The following TENM2 variants were observed in gnomAD, a reference collection of about 807,000 sequenced individuals.
TENM2 encodes teneurin transmembrane protein 2.
A neutral mutation model predicts 245.2 loss-of-function variants in TENM2; 52 were observed. The ratio of observed to expected loss-of-function variants is 0.21; its 90% confidence interval spans 0.17 to 0.27. The LOEUF (loss-of-function observed/expected upper bound fraction) is 0.27. Ranked by LOEUF, TENM2 falls within the 10% of genes least tolerant of loss-of-function variation. The pLI, the probability that TENM2 is intolerant of heterozygous loss-of-function variation, is 1.00. For missense variants in TENM2, 3,046 were observed against 3,666.8 expected, an observed-to-expected ratio of 0.83 and a Z score of 4.37; for synonymous variants, 1,363 against 1,438.9, an observed-to-expected ratio of 0.95 and a Z score of 1.19.
intron 2 of TENM2, among the ~76,000 whole-genome samples, chr5:167,401,776 G>C (rs1762377012): frequency 6.6e-6 from 1 of 152,256 alleles, no homozygotes; most frequent in Non-Finnish European, 1.5e-5. Context: ...TTGAGAAATA[G>C]CATAAAACTC....
chr5:167,394,745 G>A (rs903848039), intron 2 of TENM2, among the ~76,000 whole-genome samples: 3 of 151,774 alleles, frequency 2.0e-5, no homozygotes, highest in East Asian at 1.9e-4. Flanking sequence ...TCAGACTCAC[G>A]CCATCATGCC....
chr5:168,030,168 T>TTTTTTTTTTTTTTTTTTTTTTTTTC (rs1562071982), intron 5 of TENM2, among the ~76,000 whole-genome samples: 3 of 84,702 alleles, frequency 3.5e-5, no homozygotes, highest in South Asian at 4.8e-4. Context: ...CTTTTTTTTT[T>TTTTTTTTTTTTTTTTTTTTTTTTTC]TTTTTTTTTT....
At chr5:167,006,529 A>G in the TENM2 span, among the ~76,000 whole-genome samples, 2 of 152,178 alleles carry the variant, frequency 1.3e-5, no homozygotes, top group Admixed American at 6.5e-5. Flanking sequence ...TAGGTGACAT[A>G]TATTCTTCAG....
At chr5:168,138,734 C>A (rs1755278443) in intron 12 of TENM2, among the ~76,000 whole-genome samples, 1 of 152,214 alleles carries the variant, frequency 6.6e-6, no homozygotes, top group African/African-American at 2.4e-5. Context: ...CCACACACAT[C>A]ATCCATGGTA....
intron 2 of TENM2, among the ~76,000 whole-genome samples, chr5:167,852,472 G>T (rs1770673471): frequency 6.6e-6 from 1 of 152,164 alleles, no homozygotes; most frequent in South Asian, 2.1e-4. Context: ...CTGCAAAACG[G>T]TAGCATCTTT....
At chr5:168,112,347 T>A (rs907293212) in intron 9 of TENM2, among the ~76,000 whole-genome samples, 2 of 152,074 alleles carry the variant, frequency 1.3e-5, no homozygotes, top group Non-Finnish European at 2.9e-5. Context: ...CGCCCACTAG[T>A]TATTTTTCCT....
At chr5:167,467,236 T>C (rs2127502434) in intron 2 of TENM2, among the ~76,000 whole-genome samples, 1 of 152,152 alleles carries the variant, frequency 6.6e-6, no homozygotes, top group South Asian at 2.1e-4. Context: ...TCTGATGGTT[T>C]TATAAGTGTT....
chr5:167,882,140 C>T (rs1316454592), intron 3 of TENM2, among the ~76,000 whole-genome samples: 1 of 152,196 alleles, frequency 6.6e-6, no homozygotes, highest in African/African-American at 2.4e-5. Context: ...AGATATACAA[C>T]AGACAGTGAA....
chr5:167,948,526 A>G (rs1448118808), intron 3 of TENM2, among the ~76,000 whole-genome samples: 1 of 152,224 alleles, frequency 6.6e-6, no homozygotes, highest in African/African-American at 2.4e-5. Flanking sequence ...TAAAGAGCCA[A>G]TAAGACAGTT....
At chr5:167,886,373 G>T (rs1774291464) in intron 3 of TENM2, among the ~76,000 whole-genome samples, 1 of 152,142 alleles carries the variant, frequency 6.6e-6, no homozygotes, top group Non-Finnish European at 1.5e-5. Context: ...GCTCTGAATA[G>T]CATTTACATG....
Position 167,309,789 on chromosome 5 carries a change from A to T in TENM2, c.226+24726A>T, listed in dbSNP as rs185910241. 3.9e-5 allele frequency: 6 copies of T among 152,288 alleles called. No individual in the cohort carries two copies. In the East Asian group the frequency reaches 9.7e-4, roughly 25 times the overall value. 9.4% of individuals were successfully genotyped at this position (152,288 alleles called of 1,614,324 possible). A position where few individuals can be genotyped will look rare whatever the true frequency, so the allele number is the denominator to read the frequency against. On this transcript the variant is annotated intron_variant, in intron 1 of 28. Transcript: ENST00000518659. ...CAGGAGAGGCTAAAAGAGTCTTATT[A>T]TGCCAATACCATAGAGAAATGACCT...
chr5:167,233,646 T>C, the TENM2 span, among the ~76,000 whole-genome samples: 1 of 152,198 alleles, frequency 6.6e-6, no homozygotes, highest in Non-Finnish European at 1.5e-5. Flanking sequence ...CTTGTTAACA[T>C]ATAATGTATT....
At chr5:167,948,795 C>A (rs946428728) in intron 3 of TENM2, 15 of 152,074 alleles carry the variant, frequency 9.9e-5, no homozygotes, top group African/African-American at 3.6e-4. Context: ...TAATTAAACC[C>A]AATAAATGTA....
At chr5:167,103,932 G>C in the TENM2 span, among the ~76,000 whole-genome samples, 1 of 151,666 alleles carries the variant, frequency 6.6e-6, no homozygotes, top group Non-Finnish European at 1.5e-5. Context: ...GCTCAGCATC[G>C]TGACACCACA....
At chr5:167,957,417 A>G (rs1780648519) in intron 4 of TENM2, among the ~76,000 whole-genome samples, 1 of 152,128 alleles carries the variant, frequency 6.6e-6, no homozygotes. Context: ...AATCTTCTCA[A>G]AACACAGCTC....
chr5:168,048,320 G>A (rs567257238), intron 6 of TENM2, among the ~76,000 whole-genome samples: 1 of 152,226 alleles, frequency 6.6e-6, no homozygotes, highest in East Asian at 1.9e-4. Context: ...CTTAATTCGG[G>A]ATGGAAATCG....
chr5:167,050,011 G>T, the TENM2 span, among the ~76,000 whole-genome samples: 1 of 152,210 alleles, frequency 6.6e-6, no homozygotes. Flanking sequence ...GTGGAGTTGA[G>T]ATGTAGGATA....
At chr5:167,845,294 T>C (rs1583169259) in intron 2 of TENM2, among the ~76,000 whole-genome samples, 1 of 122,074 alleles carries the variant, frequency 8.2e-6, no homozygotes, top group African/African-American at 3.2e-5. Flanking sequence ...ACGGCCCCAC[T>C]CTCTCTCTCT....
At chr5:167,867,896 C>T (rs995265729) in intron 2 of TENM2, among the ~76,000 whole-genome samples, 1 of 152,126 alleles carries the variant, frequency 6.6e-6, no homozygotes, top group African/African-American at 2.4e-5. Context: ...GGAAATTTTG[C>T]CTCTTTCTGA....
Sources: gnomAD v4.1 joint callset for allele counts (sites outside exome capture counted in the v4.1 genomes callset) on GRCh38, gnomAD v4.1.1 for gene constraint, MANE v1.5 for transcripts, NCBI Gene and HGNC (gene_info 2026-07-23, HGNC 2026-07-21) for gene names.